The following ITPKB variants were observed in gnomAD, a reference collection of about 807,000 sequenced individuals.
ITPKB encodes inositol-trisphosphate 3-kinase B.
In ITPKB, 13 loss-of-function variants were observed where a neutral mutation model predicts 69.4. The ratio of observed to expected loss-of-function variants is 0.19; its 90% CI spans 0.12 to 0.30. The LOEUF is 0.30. ITPKB is among the 10% of genes least tolerant of loss of function. ITPKB has a pLI of 1.00. For missense variants in ITPKB, 1,240 were observed against 1,250.5 expected (o/e 0.99, Z 0.13); for synonymous variants, 584 against 513.7 (o/e 1.14, Z -1.85).
chr1:226,715,667 T>G (rs970842733), intron 2 of ITPKB, among the ~76,000 whole-genome samples: 1 of 152,256 alleles, frequency 6.6e-6, no homozygotes. Context: ...GGTTTTTGTA[T>G]AGCAATATTT....
At chr1:226,703,681 G>C (rs1656734704) in intron 2 of ITPKB, among the ~76,000 whole-genome samples, 1 of 152,354 alleles carries the variant, frequency 6.6e-6, no homozygotes, top group South Asian at 2.1e-4. Flanking sequence ...GGCAGTAGCG[G>C]GGCTTGAAAT....
chr1:226,639,740 G>T, intron 5 of ITPKB, 82 bp from the exon 6 acceptor site: 1 of 900,058 alleles, frequency 1.1e-6, no homozygotes, highest in Non-Finnish European at 1.8e-6. Context: ...CAACACCACA[G>T]AGCAGGCGAG....
At chr1:226,705,893 A>G (rs912506436) in intron 2 of ITPKB, among the ~76,000 whole-genome samples, 1 of 152,256 alleles carries the variant, frequency 6.6e-6, no homozygotes, top group Non-Finnish European at 1.5e-5. Flanking sequence ...GCAAGCCCAG[A>G]GTGCTGGGAA....
intron 4 of ITPKB, among the ~76,000 whole-genome samples, chr1:226,644,523 G>A (rs1275919202): frequency 1.3e-5 from 2 of 152,324 alleles, no homozygotes; most frequent in African/African-American, 4.8e-5. Flanking sequence ...CCAATGTCAG[G>A]AAGACAGTGT....
At chr1:226,647,129 C>G in intron 4 of ITPKB, 38 bp downstream of exon 4, 2 of 1,584,724 alleles carry the variant, frequency 1.3e-6, no homozygotes. Context: ...GTGGCTTGCA[C>G]TGAGGCAGGC....
intron 2 of ITPKB, among the ~76,000 whole-genome samples, chr1:226,665,693 G>A (rs1669486040): frequency 1.3e-5 from 2 of 152,246 alleles, no homozygotes; most frequent in East Asian, 1.9e-4. Context: ...CCCTGCCTGC[G>A]GTACCACCTC....
chr1:226,661,472 G>A (rs1438913658), intron 2 of ITPKB, among the ~76,000 whole-genome samples: 3 of 152,152 alleles, frequency 2.0e-5, no homozygotes, highest in East Asian at 3.8e-4. Flanking sequence ...GGCTGGCTGC[G>A]GATCCAAGCT....
chr1:226,647,136 A>G (rs1229536954), intron 4 of ITPKB, 31 bp downstream of exon 4: 2 of 1,599,090 alleles, frequency 1.3e-6, no homozygotes, highest in Non-Finnish European at 8.6e-7. Flanking sequence ...GCACTGAGGC[A>G]GGCATGTGGG....
chr1:226,648,818 A>G (rs757518838), intron 2 of ITPKB, 47 bp from the exon 3 acceptor site: 3 of 1,284,212 alleles, frequency 2.3e-6, no homozygotes, highest in Non-Finnish European at 1.1e-6. Context: ...GACAACCACT[A>G]ATTTCTGGTT....
At chr1:226,671,978 A>C (rs996680574) in intron 2 of ITPKB, among the ~76,000 whole-genome samples, 1 of 152,212 alleles carries the variant, frequency 6.6e-6, no homozygotes, top group African/African-American at 2.4e-5. Context: ...GAGGAGTGTC[A>C]TAGTCTGGCT....
At position 226,642,155 on chromosome 1, in the gene ITPKB, C is replaced by G. The variant is rs369471382; in HGVS notation, c.2247-30G>C. On this transcript the variant is annotated intron_variant, in intron 4 of 7. Transcript: ENST00000429204. The surrounding 1 kb of genome is among the most constrained non-coding windows in gnomAD (Gnocchi z 6.4). ...GTGGGAGGGAAGGCGACATGAGGGC[C>G]GAGGCCTGGGGCAGGGCTCACCAGC... 5 of 1,588,512 alleles carry G rather than the reference C, an allele frequency of 3.1e-6. No homozygotes were observed. The highest frequency in any genetic ancestry group is 2.6e-6 in the Non-Finnish European group (3 of 1,162,676).
At position 226,645,733 on chromosome 1, in the gene ITPKB, G is replaced by A. The variant is rs192589435; in HGVS notation, c.2246+1434C>T. Among the ~76,000 whole-genome samples the A allele has an allele frequency of 7.4e-4, 112 of 151,898 alleles. No individual in the cohort carries two copies. In the Middle Eastern group the frequency reaches 0.01, roughly 14 times the overall value. ...GAAATCAGACTCGGGAAAAGCAAAG[G>A]CCTCGGGCTGGCTGGGGGCATGTTC... is the stretch of plus-strand genomic sequence containing the variant. On this transcript the variant is annotated intron_variant, in intron 4 of 7. Coordinates refer to ENST00000429204, the MANE Select transcript of ITPKB (RefSeq NM_002221.4).
rs2102735008 is a variant in ITPKB, at chr1:226,634,146, T to C, written c.*525A>G. On this transcript the variant is annotated 3_prime_UTR_variant, in exon 8 of 8. Transcript: ENST00000429204. This position sits in a 1 kb window ranked among gnomAD's most constrained non-coding sequence, Gnocchi z 6.3. ...GAAGACACTTTGCTCACAGTCAACA[T>C]GTGGTTCCCCGATGGTTTTGTGCCC... The C allele has an allele frequency of 6.4e-6, 1 of 157,184 alleles. No homozygotes were observed. The highest frequency in any genetic ancestry group is 6.0e-5 in the Admixed American group (1 of 16,766). 9.7% of individuals were successfully genotyped at this position (157,184 alleles called of 1,614,324 possible).
intron 2 of ITPKB, among the ~76,000 whole-genome samples, chr1:226,658,717 A>C (rs1419108514): frequency 6.6e-6 from 1 of 152,172 alleles, no homozygotes; most frequent in African/African-American, 2.4e-5. Context: ...GCTGCTCACC[A>C]GGCACGAGGT....
rs779712156 is a variant in ITPKB at position 226,735,851 on chromosome 1, C to G, written c.1608G>C (p.Arg536=). 3 of 1,607,222 alleles carry G rather than the reference C, an allele frequency of 1.9e-6. No individual in the cohort carries two copies. The highest frequency in any genetic ancestry group is 2.6e-6 in the Non-Finnish European group (3 of 1,174,556). The change falls in exon 2 of 8, where the codon CGG becomes CGC. Residue 536 remains arginine, a synonymous_variant. Coordinates refer to ENST00000429204, the MANE Select transcript of ITPKB (RefSeq NM_002221.4). The part of the protein sequence containing the change: ...VQSEGTWESQ[R]QDSDALPSPE... ...GACTTGGGAGGGCATCACTGTCCTG[C>G]CGCTGGCTTTCCCAAGTCCCCTCTG...
chr1:226,663,091 T>G (rs1669431830), intron 2 of ITPKB, among the ~76,000 whole-genome samples: 1 of 152,204 alleles, frequency 6.6e-6, no homozygotes, highest in African/African-American at 2.4e-5. Flanking sequence ...GCAAGACTCA[T>G]CAGCTCTCAG....
chr1:226,678,372 G>T (rs552189704), intron 2 of ITPKB, among the ~76,000 whole-genome samples: 1 of 152,346 alleles, frequency 6.6e-6, no homozygotes, highest in Non-Finnish European at 1.5e-5. Flanking sequence ...TTCCCTAAAG[G>T]GGGAGGAAAA....
At chr1:226,701,623 A>AAC (rs1025458580) in intron 2 of ITPKB, among the ~76,000 whole-genome samples, 4 of 151,468 alleles carry the variant, frequency 2.6e-5, no homozygotes, top group African/African-American at 9.7e-5. Context: ...AAAAAAAAAA[A>AAC]AAAAAAAACT....
At chr1:226,694,210 A>G (rs1031072020) in intron 2 of ITPKB, among the ~76,000 whole-genome samples, 1 of 152,254 alleles carries the variant, frequency 6.6e-6, no homozygotes, top group Admixed American at 6.5e-5. Flanking sequence ...GAAGAATGCC[A>G]TAAAGAATGT....
Sources: gnomAD v4.1 joint callset for allele counts (sites outside exome capture counted in the v4.1 genomes callset) on GRCh38, gnomAD v4.1.1 for gene constraint, Gnocchi (gnomAD v3.1) non-coding constraint, MANE v1.5 for transcripts, NCBI Gene and HGNC (gene_info 2026-07-23, HGNC 2026-07-21) for gene names.